STRAP: variants seen among roughly 807,000 people sequenced by gnomAD.
The protein encoded by STRAP is serine/threonine kinase receptor associated protein.
In STRAP, 16 loss-of-function variants were observed where a neutral mutation model predicts 47.0. The ratio of observed to expected loss-of-function variants is 0.34; its 90% CI spans 0.23 to 0.52. The LOEUF (loss-of-function observed/expected upper bound fraction) is 0.52, where lower values mean the gene tolerates loss of function less well. STRAP is among the 20% of genes least tolerant of loss of function. STRAP has a pLI of 0.96. For missense variants in STRAP, 293 were observed against 420.0 expected (o/e 0.70, Z 2.64); for synonymous variants, 130 against 142.7 (o/e 0.91, Z 0.63).
At position 15,889,972 on chromosome 12, in the gene STRAP, C is replaced by T; in HGVS notation, c.293C>T (p.Ala98Val). The change falls in exon 3 of 10, where the codon GCT becomes GTT. Residue 98 changes from alanine (A) to valine (V), a missense_variant. This residue lies in a region of STRAP where 152 missense variants were observed against 183.0 expected (regional missense o/e 0.83). Transcript: ENST00000419869. ...TCAGGAGATGAATTGATGACCCTGGCTCATAAACACATTGTCAAGACTGTG... is the reference window on the plus strand; with the variant it reads ...TCAGGAGATGAATTGATGACCCTGGTTCATAAACACATTGTCAAGACTGTG... ...AVSGDELMTL[A>V]HKHIVKTVDF... 2.5e-6 allele frequency: 4 copies of T among 1,613,756 alleles called. No individual in the cohort carries two copies. The African/African-American group carries it at 4.0e-5, about 16-fold the overall frequency.
At chr12:15,886,859 G>T (rs796194749) in intron 2 of STRAP, among the ~76,000 whole-genome samples, 21 of 152,298 alleles carry the variant, frequency 1.4e-4, no homozygotes, top group African/African-American at 5.1e-4. Context: ...TAGGTCTGTG[G>T]ACTAGTGTAG....
At chr12:15,886,654 C>T (rs573300089) in intron 2 of STRAP, among the ~76,000 whole-genome samples, 3 of 152,094 alleles carry the variant, frequency 2.0e-5, no homozygotes, top group Non-Finnish European at 2.9e-5. Flanking sequence ...TTTTCATGTG[C>T]GTGTTTGTGT....
Position 15,894,225 on chromosome 12 carries a change from G to A in STRAP, c.500+82G>A, listed in dbSNP as rs1948041558. ...CTATAATCTCAGCACTTTGGGAGGC[G>A]AGCCGGGTGGATCATTAGAGGTCAG... is the stretch of plus-strand genomic sequence containing the variant. On this transcript the variant is annotated intron_variant, in intron 5 of 9. Coordinates refer to ENST00000419869, the MANE Select transcript of STRAP (RefSeq NM_007178.4). This position sits in a 1 kb window ranked among gnomAD's most constrained non-coding sequence, Gnocchi z 4.9. 2 of 1,054,790 alleles carry A rather than the reference G, an allele frequency of 1.9e-6. No homozygotes were observed. Among genetic ancestry groups the A allele is most frequent in the South Asian group, 1.3e-5 (1 of 75,434 alleles). 65.3% of individuals were successfully genotyped at this position (1,054,790 alleles called of 1,614,324 possible).
Position 15,882,545 on chromosome 12 carries a change from T to A in STRAP, c.-163T>A. ...GACTCCCTGACCCCTCCCTCACCCCTCCCTAACCTCGGTGCCACCGGATTG... is the reference window on the plus strand; with the variant it reads ...GACTCCCTGACCCCTCCCTCACCCCACCCTAACCTCGGTGCCACCGGATTG... On this transcript the variant is annotated 5_prime_UTR_variant, in exon 1 of 10. Transcript: ENST00000419869. The A allele has an allele frequency of 2.1e-4, 83 of 390,798 alleles. No homozygotes were observed. Among genetic ancestry groups the A allele is most frequent in the Middle Eastern group, 3.7e-4 (1 of 2,698 alleles). 24.2% of individuals were successfully genotyped at this position (390,798 alleles called of 1,614,324 possible).
intron 9 of STRAP, among the ~76,000 whole-genome samples, chr12:15,902,398 G>T (rs768293761): frequency 2.0e-5 from 3 of 152,168 alleles, no homozygotes; most frequent in Non-Finnish European, 4.4e-5. Flanking sequence ...GAAGAAATAT[G>T]CAGATTGCTG....
Position 15,903,007 on chromosome 12 carries a change from A to G in STRAP, c.*29A>G. 6.7e-7 allele frequency: 1 copy of G among 1,484,854 alleles called. No homozygotes were observed. The highest frequency in any genetic ancestry group is 2.4e-5 in the East Asian group (1 of 41,492). The allele number at this position is 1,484,854 out of a possible 1,614,324, so 92.0% of individuals were successfully genotyped here. A position where few individuals can be genotyped will look rare whatever the true frequency, so the allele number is the denominator to read the frequency against. On this transcript the variant is annotated 3_prime_UTR_variant, in exon 10 of 10. Transcript: ENST00000419869. ...TCAATCATATGTGCAGTTAGTATACAACTGACTAAAACAAGCAAGCAGAGA... is the reference window on the plus strand; with the variant it reads ...TCAATCATATGTGCAGTTAGTATACGACTGACTAAAACAAGCAAGCAGAGA...
chr12:15,884,575 T>G (rs538744981), intron 2 of STRAP, among the ~76,000 whole-genome samples: 28 of 152,012 alleles, frequency 1.8e-4, no homozygotes, highest in African/African-American at 6.7e-4. Context: ...TAAAAATATT[T>G]TTTAATACTT....
intron 2 of STRAP, among the ~76,000 whole-genome samples, chr12:15,884,243 A>T (rs572727588): frequency 6.6e-6 from 1 of 152,198 alleles, no homozygotes; most frequent in South Asian, 2.1e-4. Flanking sequence ...CCTGACTCCA[A>T]TGTTCCTTCA....
At chr12:15,886,833 G>C (rs886486412) in intron 2 of STRAP, among the ~76,000 whole-genome samples, 24 of 152,168 alleles carry the variant, frequency 1.6e-4, no homozygotes, top group Admixed American at 1.6e-3. Context: ...GTTTCTTGTG[G>C]AGAAATTTAG....
rs761151233 is a variant in STRAP, at chr12:15,901,042, A to T, written c.991+30A>T. The T allele has an allele frequency of 5.9e-6, 9 of 1,515,402 alleles. No individual in the cohort carries two copies. The South Asian group carries it at 1.2e-4, about 20-fold the overall frequency. The allele number at this position is 1,515,402 out of a possible 1,614,324, so 93.9% of individuals were successfully genotyped here. A position where few individuals can be genotyped will look rare whatever the true frequency, so the allele number is the denominator to read the frequency against. ...ATGCTATGGAATTGACTTTTGTAAGAGTCTTGGGGGATTTAAAATTGAACT... is the reference window on the plus strand; with the variant it reads ...ATGCTATGGAATTGACTTTTGTAAGTGTCTTGGGGGATTTAAAATTGAACT... On this transcript the variant is annotated intron_variant, in intron 9 of 9. Coordinates refer to ENST00000419869, the MANE Select transcript of STRAP (RefSeq NM_007178.4).
At position 15,882,619 on chromosome 12, in the gene STRAP, C is replaced by CT; in HGVS notation, c.-88dup. The CT allele has an allele frequency of 8.7e-7, 1 of 1,149,800 alleles. No individual in the cohort carries two copies. The highest frequency in any genetic ancestry group is 1.3e-6 in the Non-Finnish European group (1 of 796,474). 71.2% of individuals were successfully genotyped at this position (1,149,800 alleles called of 1,614,324 possible). A position where few individuals can be genotyped will look rare whatever the true frequency, so the allele number is the denominator to read the frequency against. ...CCAGCCCTAGTGTCAGGGCGGGGGC[C>CT]TGGAGCAGCCCGAGGCACTGCAGCA... is the stretch of plus-strand genomic sequence containing the variant. On this transcript the variant is annotated 5_prime_UTR_variant, in exon 1 of 10. Coordinates refer to ENST00000419869, the MANE Select transcript of STRAP (RefSeq NM_007178.4).
Position 15,896,473 on chromosome 12 carries a change from T to A in STRAP, c.638+977T>A, listed in dbSNP as rs955926644. ...AATATTATACCCATAGGTGCAAGAG[T>A]GATAATGGTAGTTATATTTTCTGCT... On this transcript the variant is annotated intron_variant, in intron 6 of 9. Coordinates refer to ENST00000419869, the MANE Select transcript of STRAP (RefSeq NM_007178.4). This position sits in a 1 kb window ranked among gnomAD's most constrained non-coding sequence, Gnocchi z 4.1. Among the ~76,000 whole-genome samples the A allele has an allele frequency of 6.6e-6, 1 of 151,934 alleles. No homozygotes were observed. Among genetic ancestry groups the A allele is most frequent in the Non-Finnish European group, 1.5e-5 (1 of 67,970 alleles).
Position 15,890,091 on chromosome 12 carries a change from A to T in STRAP, c.330+82A>T. On this transcript the variant is annotated intron_variant, in intron 3 of 9. Transcript: ENST00000419869. The surrounding 1 kb of genome is among the most constrained non-coding windows in gnomAD (Gnocchi z 4.5). ...ATGCTTTTATACTTGATTGGTGTGT[A>T]TATTTGATTGATATGTTTTGTGTGG... The T allele has an allele frequency of 8.4e-7, 1 of 1,187,708 alleles. No individual in the cohort carries two copies. The highest frequency in any genetic ancestry group is 1.5e-5 in the African/African-American group (1 of 66,252). The allele number at this position is 1,187,708 out of a possible 1,614,324, so 73.6% of individuals were successfully genotyped here.
chr12:15,885,488 CTT>C (rs5796649), intron 2 of STRAP, among the ~76,000 whole-genome samples: 16 of 132,450 alleles, frequency 1.2e-4, no homozygotes, highest in African/African-American at 2.1e-4. Context: ...CGTGCCTGGC[CTT>C]TTTTTTTTTT....
Position 15,903,120 on chromosome 12 carries a change from C to CA in STRAP, c.*144dup. 1 of 866,356 alleles carries CA rather than the reference C, an allele frequency of 1.2e-6. No individual in the cohort carries two copies. Among genetic ancestry groups the CA allele is most frequent in the Non-Finnish European group, 1.6e-6 (1 of 614,154 alleles). 53.7% of individuals were successfully genotyped at this position (866,356 alleles called of 1,614,324 possible). On this transcript the variant is annotated 3_prime_UTR_variant, in exon 10 of 10. Transcript: ENST00000419869. ...AAATGAATTAGCTCCAGTGCTGGAA[C>CA]AACTAACTAACTTGGTGTTACCTGT...
In STRAP at chr12:15,894,730, G is replaced by T. The variant is rs1948046369; in HGVS notation, c.500+587G>T. On this transcript the variant is annotated intron_variant, in intron 5 of 9. Transcript: ENST00000419869. The surrounding 1 kb of genome is among the most constrained non-coding windows in gnomAD (Gnocchi z 4.9). ...AGCATTTTGAATTTCCTATTTTCAG[G>T]TTAGGAATTCTCAGTTGGTAAGTGT... is the stretch of plus-strand genomic sequence containing the variant. Among the ~76,000 whole-genome samples the T allele has an allele frequency of 6.6e-6, 1 of 152,134 alleles. No individual in the cohort carries two copies.
At chr12:15,898,685 T>C (rs1465933556) in intron 7 of STRAP, among the ~76,000 whole-genome samples, 1 of 152,210 alleles carries the variant, frequency 6.6e-6, no homozygotes, top group Admixed American at 6.5e-5. Context: ...CATAGTTACA[T>C]GTGGTTCTCA....
In STRAP at chr12:15,890,919, G is replaced by T. The variant is rs1948009782; in HGVS notation, c.403+250G>T. Among the ~76,000 whole-genome samples the T allele has an allele frequency of 6.6e-6, 1 of 152,064 alleles. No individual in the cohort carries two copies. The highest frequency in any genetic ancestry group is 6.5e-5 in the Admixed American group (1 of 15,274). ...TATTAAAAATAGAAAAATTAGCCAGGCATGGTGGCAGGCGCTTGTAATCCC... is the reference window on the plus strand; with the variant it reads ...TATTAAAAATAGAAAAATTAGCCAGTCATGGTGGCAGGCGCTTGTAATCCC... On this transcript the variant is annotated intron_variant, in intron 4 of 9. Coordinates refer to ENST00000419869, the MANE Select transcript of STRAP (RefSeq NM_007178.4). This position sits in a 1 kb window ranked among gnomAD's most constrained non-coding sequence, Gnocchi z 4.5.
intron 9 of STRAP, among the ~76,000 whole-genome samples, chr12:15,902,484 A>C (rs1948113319): frequency 6.6e-6 from 1 of 152,194 alleles, no homozygotes; most frequent in Non-Finnish European, 1.5e-5. Flanking sequence ...AGTTTTCCTT[A>C]AATTTTTTAT....
Sources: allele counts gnomAD v4.1 joint callset (sites outside exome capture counted in the v4.1 genomes callset), GRCh38; gene constraint gnomAD v4.1.1; regional missense constraint gnomAD v4.1.1; non-coding constraint Gnocchi (gnomAD v3.1); transcripts MANE v1.5; gene names NCBI Gene and HGNC (gene_info 2026-07-23, HGNC 2026-07-21).